The following UBAP2 variants were observed in gnomAD, a reference collection of about 807,000 sequenced individuals.
UBAP2 encodes the protein ubiquitin associated protein 2.
A neutral mutation model predicts 139.6 loss-of-function variants in UBAP2; 75 were observed. That is an observed-to-expected ratio of 0.54 (90% CI 0.45 to 0.65). The LOEUF is 0.65. Ranked by LOEUF, UBAP2 falls within the 30% of genes least tolerant of loss-of-function variation. The probability of loss-of-function intolerance (pLI) is 0.00; values close to 1 mark genes in which losing one functional copy is unlikely to be tolerated. For synonymous variants in UBAP2, 526 were observed against 526.2 expected, an observed-to-expected ratio of 1.00 and a Z score of 0.01; for missense variants, 1,368 against 1,369.6, an observed-to-expected ratio of 1.00 and a Z score of 0.02.
rs1487054275 is a variant in UBAP2 at position 34,017,188 on chromosome 9, A to G, written c.-40T>C. The G allele has an allele frequency of 7.0e-7, 1 of 1,437,674 alleles. No individual in the cohort carries two copies. The allele number at this position is 1,437,674 out of a possible 1,614,324, so 89.1% of individuals were successfully genotyped here. A position where few individuals can be genotyped will look rare whatever the true frequency, so the allele number is the denominator to read the frequency against. On this transcript the variant is annotated splice_region_variant and 5_prime_UTR_variant, in exon 2 of 29. Coordinates refer to ENST00000379238, the MANE Select transcript of UBAP2 (RefSeq NM_001370062.2). ...AAATAATGTATGTACAAAATAGAAA[A>G]TCTGCAAGAAAGTAGGGATGGTAAG...
chr9:34,045,804 A>G (rs1325476125), intron 1 of UBAP2, among the ~76,000 whole-genome samples: 2 of 152,248 alleles, frequency 1.3e-5, no homozygotes, highest in Non-Finnish European at 1.5e-5. Context: ...TCTTTGAGTT[A>G]GTAAAAAAAG....
intron 8 of UBAP2, among the ~76,000 whole-genome samples, chr9:33,968,737 AT>A (rs1827668571): frequency 6.6e-6 from 1 of 152,180 alleles, no homozygotes; most frequent in South Asian, 2.1e-4. Context: ...CAGTTGAATA[AT>A]TTTTAGTATA....
intron 2 of UBAP2, among the ~76,000 whole-genome samples, chr9:34,010,022 G>C (rs1402546813): frequency 6.7e-6 from 1 of 149,056 alleles, no homozygotes; most frequent in Non-Finnish European, 1.5e-5. Context: ...GGTCAGGCTG[G>C]TCTCAAACTC....
rs779715742 is a variant in UBAP2 at position 33,948,422 on chromosome 9, AAGAAGT to A, written c.1216_1221del (p.Thr406_Ser407del). 1 of 1,613,850 alleles carries A rather than the reference AAGAAGT, an allele frequency of 6.2e-7. No homozygotes were observed. The highest frequency in any genetic ancestry group is 1.1e-5 in the South Asian group (1 of 91,058). On this transcript the variant is annotated inframe_deletion, in exon 13 of 29. Transcript: ENST00000379238. ...TGGGATGTTGGGGGCTTGAGGTCCC[AAGAAGT>A]AGTAGTTGTAGGGTGACTTGTACTA...
intron 17 of UBAP2, among the ~76,000 whole-genome samples, chr9:33,935,011 AAG>A (rs1481955168): frequency 2.0e-5 from 3 of 152,166 alleles, no homozygotes; most frequent in Admixed American, 2.0e-4. Flanking sequence ...ATCCTATTTA[AAG>A]AGTCTTTCTG....
At position 34,036,118 on chromosome 9, in the gene UBAP2, C is replaced by CT. The variant is rs892962205; in HGVS notation, c.-42+12706dup. Among the ~76,000 whole-genome samples the CT allele has an allele frequency of 5.6e-3, 805 of 143,544 alleles. 7 individuals are homozygous for CT. The highest frequency in any genetic ancestry group is 0.014 in the Middle Eastern group (4 of 278). 94.2% of individuals were successfully genotyped at this position (143,544 alleles called of 152,430 possible). On this transcript the variant is annotated intron_variant, in intron 1 of 28. Coordinates refer to ENST00000379238, the MANE Select transcript of UBAP2 (RefSeq NM_001370062.2). ...AACTTCAGGAATTTGATACTTTTTTCTTTTTTTTTTTTTGAGACGGAGTTT... is the reference window on the plus strand; with the variant it reads ...AACTTCAGGAATTTGATACTTTTTTCTTTTTTTTTTTTTTGAGACGGAGTTT...
intron 13 of UBAP2, among the ~76,000 whole-genome samples, chr9:33,945,069 G>T (rs981427790): frequency 6.6e-6 from 1 of 151,686 alleles, no homozygotes; most frequent in Non-Finnish European, 1.5e-5. Flanking sequence ...GTACAAGGCT[G>T]CAGTGAGCTA....
intron 1 of UBAP2, among the ~76,000 whole-genome samples, chr9:34,047,994 T>A (rs1294558158): frequency 2.0e-5 from 3 of 152,118 alleles, no homozygotes; most frequent in African/African-American, 7.2e-5. Context: ...ACAGTAATAA[T>A]GATGGGATCA....
intron 11 of UBAP2, 32 bp downstream of exon 11, chr9:33,956,047 A>AT (rs977352816): frequency 1.5e-5 from 24 of 1,551,926 alleles, no homozygotes; most frequent in Non-Finnish European, 2.1e-5. Context: ...AATGCTTTGA[A>AT]TAACAAATAT....
intron 6 of UBAP2, among the ~76,000 whole-genome samples, chr9:33,983,365 C>A (rs573799631): frequency 6.6e-6 from 1 of 152,202 alleles, no homozygotes; most frequent in East Asian, 1.9e-4. Flanking sequence ...GAAGATTTGA[C>A]GATTTCTCTA....
At chr9:33,976,210 TAAAC>T (rs893473169) in intron 6 of UBAP2, among the ~76,000 whole-genome samples, 4 of 151,870 alleles carry the variant, frequency 2.6e-5, no homozygotes, top group African/African-American at 7.3e-5. Flanking sequence ...AGGCCAAAAT[TAAAC>T]AAGCTACAAA....
At chr9:33,999,653 T>C (rs993904095) in intron 2 of UBAP2, among the ~76,000 whole-genome samples, 4 of 151,906 alleles carry the variant, frequency 2.6e-5, no homozygotes, top group Non-Finnish European at 5.9e-5. Flanking sequence ...CACCTCAGCC[T>C]CCCAAAGTGC....
At chr9:34,011,647 G>C in intron 2 of UBAP2, 2 of 987,470 alleles carry the variant, frequency 2.0e-6, no homozygotes, top group Non-Finnish European at 2.4e-6. Flanking sequence ...TCTAGGAAGT[G>C]TCAAGAGGTC....
At chr9:33,938,736 G>A (rs1251472938) in intron 16 of UBAP2, among the ~76,000 whole-genome samples, 2 of 149,488 alleles carry the variant, frequency 1.3e-5, no homozygotes, top group African/African-American at 4.9e-5. Context: ...GTGGAGGTTG[G>A]AGTGAGCCAA....
chr9:33,955,452 G>T (rs1289206455), intron 11 of UBAP2, among the ~76,000 whole-genome samples: 3 of 55,736 alleles, frequency 5.4e-5, no homozygotes, highest in Non-Finnish European at 1.2e-4. Context: ...TCAGGACGGC[G>T]GGGGTTGCAG....
At chr9:33,963,072 G>A (rs528698661) in intron 9 of UBAP2, among the ~76,000 whole-genome samples, 59 of 152,254 alleles carry the variant, frequency 3.9e-4, no homozygotes, top group African/African-American at 1.1e-3. Flanking sequence ...ACACAACTTT[G>A]GACTTGCATA....
chr9:33,966,809 T>C (rs1827498289), intron 8 of UBAP2, among the ~76,000 whole-genome samples: 1 of 152,238 alleles, frequency 6.6e-6, no homozygotes, highest in Non-Finnish European at 1.5e-5. Flanking sequence ...TATAATTCTA[T>C]ATGCATTTGT....
intron 2 of UBAP2, among the ~76,000 whole-genome samples, chr9:34,004,973 A>C (rs1040832520): frequency 6.6e-6 from 1 of 151,640 alleles, no homozygotes; most frequent in African/African-American, 2.4e-5. Flanking sequence ...AATCCCATTG[A>C]AAACAACAGT....
chr9:33,996,816 G>A (rs1258481256), intron 3 of UBAP2: 1 of 154,094 alleles, frequency 6.5e-6, no homozygotes, highest in Non-Finnish European at 1.4e-5. Flanking sequence ...CAGCCGCAGT[G>A]GCTCACAACT....
Sources: allele counts gnomAD v4.1 joint callset (sites outside exome capture counted in the v4.1 genomes callset), GRCh38; gene constraint gnomAD v4.1.1; transcripts MANE v1.5; gene names NCBI Gene and HGNC (gene_info 2026-07-23, HGNC 2026-07-21).